Variants in CRYBA4 observed in about 807,000 individuals in gnomAD.
CRYBA4 encodes the protein crystallin beta A4.
Under a neutral mutation model 31.7 loss-of-function variants are expected in CRYBA4, and 30 were observed. The ratio of observed to expected loss-of-function variants is 0.95; its 90% CI spans 0.71 to 1.28. CRYBA4 has a LOEUF of 1.28. Among genes scored for constraint, CRYBA4 ranks in the 50% most tolerant of loss-of-function variants. The pLI, the probability that CRYBA4 is intolerant of heterozygous loss-of-function variation, is 0.00. For synonymous variants in CRYBA4, 102 were observed against 102.3 expected (o/e 1.00, Z 0.02); for missense variants, 225 against 260.7 (o/e 0.86, Z 0.94).
At chr22:26,611,379 C>T in the CRYBA4 span, among the ~76,000 whole-genome samples, 6 of 152,288 alleles carry the variant, frequency 3.9e-5, no homozygotes, top group African/African-American at 9.6e-5. Flanking sequence ...GGCAGCTGGA[C>T]GCCCAGGAGA....
At chr22:26,628,462 G>C in intron 5 of CRYBA4, 32 bp downstream of exon 5, 1 of 1,612,418 alleles carries the variant, frequency 6.2e-7, no homozygotes, top group Non-Finnish European at 8.5e-7. Context: ...CCTGGCAGGG[G>C]AGGGGCTACT....
the CRYBA4 span, among the ~76,000 whole-genome samples, chr22:26,615,253 T>C: frequency 6.6e-6 from 1 of 152,230 alleles, no homozygotes; most frequent in Non-Finnish European, 1.5e-5. Context: ...CTCCACAGGA[T>C]GCCTTTCAGC....
chr22:26,619,334 C>T (rs1294679979), upstream of CRYBA4, among the ~76,000 whole-genome samples: 1 of 152,118 alleles, frequency 6.6e-6, no homozygotes, highest in African/African-American at 2.4e-5. Flanking sequence ...GAACAGACGC[C>T]AGAAATCACA....
At chr22:26,611,999 A>G in the CRYBA4 span, 1 of 1,103,346 alleles carries the variant, frequency 9.1e-7, no homozygotes, top group African/African-American at 1.5e-5. Context: ...CAGATGCTGG[A>G]GAAATGGCAG....
the CRYBA4 span, among the ~76,000 whole-genome samples, chr22:26,604,039 T>A: frequency 1.3e-5 from 2 of 152,258 alleles, no homozygotes; most frequent in Admixed American, 6.5e-5. Flanking sequence ...TTAAAGTTCG[T>A]CTGTTATTTC....
intron 4 of CRYBA4, among the ~76,000 whole-genome samples, chr22:26,626,455 C>G (rs911105068): frequency 3.3e-5 from 5 of 152,112 alleles, no homozygotes; most frequent in East Asian, 1.9e-4. Context: ...ACAAAAACAA[C>G]AAAGTGTGTT....
upstream of CRYBA4, among the ~76,000 whole-genome samples, chr22:26,621,086 T>A (rs1408450897): frequency 6.6e-6 from 1 of 152,182 alleles, no homozygotes; most frequent in Non-Finnish European, 1.5e-5. Context: ...GAGGGACCTC[T>A]TAGGTCCCTC....
chr22:26,607,961 C>T, the CRYBA4 span: 3 of 1,614,212 alleles, frequency 1.9e-6, no homozygotes, highest in Non-Finnish European at 2.5e-6. Context: ...AGCGAGGGTA[C>T]TCGCCCTTCT....
upstream of CRYBA4, among the ~76,000 whole-genome samples, chr22:26,620,533 C>T (rs1929499911): frequency 6.6e-6 from 1 of 150,684 alleles, no homozygotes; most frequent in African/African-American, 2.4e-5. Context: ...TTCATGCCAA[C>T]CCTTCATCAA....
chr22:26,599,809 T>G, the CRYBA4 span: 1 of 750,162 alleles, frequency 1.3e-6, no homozygotes, highest in Non-Finnish European at 2.4e-6. Flanking sequence ...GCTATATCCC[T>G]TCCTGCTCTG....
upstream of CRYBA4, among the ~76,000 whole-genome samples, chr22:26,620,246 T>C (rs555194359): frequency 3.3e-5 from 5 of 152,340 alleles, no homozygotes; most frequent in African/African-American, 9.6e-5. Context: ...TCATCTTTCT[T>C]ATTAGCAATG....
the CRYBA4 span, among the ~76,000 whole-genome samples, chr22:26,591,961 G>T: frequency 6.7e-6 from 1 of 149,544 alleles, no homozygotes; most frequent in African/African-American, 2.5e-5. Flanking sequence ...TAAGTAATTT[G>T]CCCATGGCCA....
the CRYBA4 span, among the ~76,000 whole-genome samples, chr22:26,597,622 C>T: frequency 6.6e-6 from 1 of 152,162 alleles, no homozygotes; most frequent in South Asian, 2.1e-4. Flanking sequence ...GCAACCCCGA[C>T]ACCCCGTTCC....
chr22:26,604,371 A>T, the CRYBA4 span, among the ~76,000 whole-genome samples: 1 of 152,236 alleles, frequency 6.6e-6, no homozygotes, highest in Non-Finnish European at 1.5e-5. Flanking sequence ...TTAAAAATGG[A>T]TGCTGTGATT....
the CRYBA4 span, among the ~76,000 whole-genome samples, chr22:26,606,765 T>C: frequency 6.6e-6 from 1 of 152,182 alleles, no homozygotes; most frequent in African/African-American, 2.4e-5. Context: ...TCATGAAAAT[T>C]CTTATAAATG....
chr22:26,605,752 T>G, the CRYBA4 span, among the ~76,000 whole-genome samples: 1 of 82,344 alleles, frequency 1.2e-5, no homozygotes, highest in South Asian at 3.1e-4. Flanking sequence ...GTCAGGTTTA[T>G]TTTTTTTTTT....
chr22:26,590,406 T>C, the CRYBA4 span, among the ~76,000 whole-genome samples: 1 of 152,084 alleles, frequency 6.6e-6, no homozygotes, highest in African/African-American at 2.4e-5. Flanking sequence ...CTGTAAGCAA[T>C]GAAGTGGAAT....
chr22:26,605,400 G>T, the CRYBA4 span, among the ~76,000 whole-genome samples: 1 of 152,098 alleles, frequency 6.6e-6, no homozygotes, highest in East Asian at 1.9e-4. Context: ...CTGGTTGGGC[G>T]CACTGGCTCA....
the CRYBA4 span, among the ~76,000 whole-genome samples, chr22:26,590,662 T>A: frequency 6.6e-6 from 1 of 152,220 alleles, no homozygotes; most frequent in South Asian, 2.1e-4. Context: ...TTGTCATAAC[T>A]GGGGAAGTGG....
Sources: allele counts gnomAD v4.1 joint callset (sites outside exome capture counted in the v4.1 genomes callset), GRCh38; gene constraint gnomAD v4.1.1; transcripts MANE v1.5; gene names NCBI Gene and HGNC (gene_info 2026-07-23, HGNC 2026-07-21).